Variants in RPGRIP1 observed in about 807,000 individuals in gnomAD.
RPGRIP1 encodes X-linked retinitis pigmentosa GTPase regulator-interacting protein 1.
In RPGRIP1, 128 loss-of-function variants were observed where a neutral mutation model predicts 157.9. That is an observed-to-expected ratio of 0.81 (90% CI 0.70 to 0.94). The LOEUF (loss-of-function observed/expected upper bound fraction) is 0.94, where lower values mean the gene tolerates loss of function less well. RPGRIP1 is among the 40% of genes least tolerant of loss of function. The pLI, the probability that RPGRIP1 is intolerant of heterozygous loss-of-function variation, is 0.00. For synonymous variants in RPGRIP1, 554 were observed against 571.6 expected (o/e 0.97, Z 0.44); for missense variants, 1,486 against 1,545.8 (o/e 0.96, Z 0.65).
intron 22 of RPGRIP1, 30 bp downstream of exon 22, chr14:21,343,258 A>T (rs1885203788): frequency 1.3e-6 from 2 of 1,559,046 alleles, no homozygotes; most frequent in Non-Finnish European, 1.8e-6. Context: ...TACTGGGGTG[A>T]GGAAGTCTGA....
At chr14:21,348,433 A>G (rs905700049) in intron 24 of RPGRIP1, 131 bp downstream of exon 24, 16 of 697,146 alleles carry the variant, frequency 2.3e-5, no homozygotes, top group Non-Finnish European at 3.6e-5. Context: ...TCTTATCCCT[A>G]CAACTGTATT....
At chr14:21,331,856 G>T (rs1883828047) in intron 20 of RPGRIP1, among the ~76,000 whole-genome samples, 1 of 151,152 alleles carries the variant, frequency 6.6e-6, no homozygotes, top group Non-Finnish European at 1.5e-5. Context: ...AGGTAGATAT[G>T]GAAATATTAT....
intron 3 of RPGRIP1, among the ~76,000 whole-genome samples, chr14:21,300,732 T>TTTTTTTA (rs1179058120): frequency 6.9e-6 from 1 of 144,566 alleles, no homozygotes; most frequent in African/African-American, 2.6e-5. Context: ...TTTTTTTTTT[T>TTTTTTTA]ACTAAGATAA....
intron 21 of RPGRIP1, among the ~76,000 whole-genome samples, chr14:21,337,977 T>C (rs59933465): frequency 0.16 from 24,257 of 151,258 alleles, 2,446 homozygotes; most frequent in African/African-American, 0.28. Context: ...AGTGCAGTGG[T>C]GCGATATCGG....
chr14:21,334,588 A>G lies in RPGRIP1; in HGVS notation c.3239-17A>G. On this transcript the variant is annotated splice_polypyrimidine_tract_variant and intron_variant, in intron 20 of 24. Transcript: ENST00000400017. Reference sequence around the variant, plus strand: ...TGCTTTGAAACAGTTCTATAACTGCAACCTCTTCTCTAGCAGACAAAGAAT... The same window carrying G: ...TGCTTTGAAACAGTTCTATAACTGCGACCTCTTCTCTAGCAGACAAAGAAT... 2 of 1,572,892 alleles carry G rather than the reference A, an allele frequency of 1.3e-6. No homozygotes were observed. The highest frequency in any genetic ancestry group is 1.4e-5 in the African/African-American group (1 of 73,996).
chr14:21,293,084 T>A (rs1300347310), intron 2 of RPGRIP1, among the ~76,000 whole-genome samples: 2 of 151,962 alleles, frequency 1.3e-5, no homozygotes, highest in Non-Finnish European at 2.9e-5. Flanking sequence ...AGGCAGAGGT[T>A]GCAGTGAGCC....
At chr14:21,303,860 A>G (rs759433260) in intron 6 of RPGRIP1, among the ~76,000 whole-genome samples, 5 of 151,864 alleles carry the variant, frequency 3.3e-5, no homozygotes, top group Non-Finnish European at 5.9e-5. Context: ...GGTGGCAGGC[A>G]CCTGTAAATC....
intron 8 of RPGRIP1, 69 bp from the exon 9 acceptor site, chr14:21,311,755 G>A (rs773907851): frequency 7.8e-7 from 1 of 1,283,372 alleles, no homozygotes; most frequent in South Asian, 1.5e-5. Flanking sequence ...TGCTAGGGTT[G>A]CTGGTGTCTG....
rs145015003 is a variant in RPGRIP1, at chr14:21,289,766, G to A, written c.85+1705G>A. 5.2e-4 allele frequency among the ~76,000 whole-genome samples: 79 copies of A among 152,208 alleles called. No individual in the cohort carries two copies. The East Asian group carries it at 0.011, about 22-fold the overall frequency. ...GCCTGTAATCCCAGCACCTTGGGAGGCCGAGGCAGGTGGATCACCTGGTCG... is the reference window on the plus strand; with the variant it reads ...GCCTGTAATCCCAGCACCTTGGGAGACCGAGGCAGGTGGATCACCTGGTCG... On this transcript the variant is annotated intron_variant, in intron 2 of 24. Coordinates refer to ENST00000400017, the MANE Select transcript of RPGRIP1 (RefSeq NM_020366.4).
rs764678956 is a variant in RPGRIP1 at position 21,307,733 on chromosome 14, C to G, written c.803C>G (p.Ala268Gly). 1 of 1,549,414 alleles carries G rather than the reference C, an allele frequency of 6.5e-7. No individual in the cohort carries two copies. The highest frequency in any genetic ancestry group is 8.8e-7 in the Non-Finnish European group (1 of 1,141,506). The change falls in exon 7 of 25, where the codon GCT (alanine) becomes GGT (glycine). Residue 268 changes from alanine to glycine, a missense_variant and splice_region_variant. Transcript: ENST00000400017. ...ECAQKAAELR[A>G]SIKEKVELIR... The stretch of plus-strand genomic sequence containing the variant: ...TAATTTAGCGCCTTTCTCTGCAGAG[C>G]TTCCATTAAAGAGAAGGTAGAGCTG...
intron 3 of RPGRIP1, among the ~76,000 whole-genome samples, chr14:21,295,972 G>A (rs942077023): frequency 2.6e-5 from 4 of 151,424 alleles, no homozygotes; most frequent in Non-Finnish European, 5.9e-5. Flanking sequence ...ACCTCGCTCC[G>A]TTGCCCAAGC....
intron 24 of RPGRIP1, among the ~76,000 whole-genome samples, chr14:21,350,712 C>T (rs952328258): frequency 6.6e-6 from 1 of 152,144 alleles, no homozygotes; most frequent in African/African-American, 2.4e-5. Flanking sequence ...AGGGTAGTGC[C>T]TGGCATAAGG....
At chr14:21,328,660 G>C in intron 19 of RPGRIP1, 33 bp downstream of exon 19, 5 of 1,404,460 alleles carry the variant, frequency 3.6e-6, no homozygotes, top group Non-Finnish European at 5.0e-6. Flanking sequence ...GCACTAAATT[G>C]TGGGTTGTAG....
chr14:21,310,993 CTG>C, intron 8 of RPGRIP1: 1 of 500,282 alleles, frequency 2.0e-6, no homozygotes, highest in African/African-American at 1.9e-5. Context: ...CTATTCACCA[CTG>C]TGAGTGGGCT....
At chr14:21,294,462 T>G (rs1880676449) in intron 2 of RPGRIP1, among the ~76,000 whole-genome samples, 1 of 152,082 alleles carries the variant, frequency 6.6e-6, no homozygotes, top group African/African-American at 2.4e-5. Flanking sequence ...ACTCCTGACC[T>G]CACAATCTGC....
chr14:21,351,176 A>G lies in RPGRIP1; in HGVS notation c.3821A>G (p.His1274Arg), dbSNP rs758718790. 3.0e-5 allele frequency: 49 copies of G among 1,611,820 alleles called. No individual in the cohort carries two copies. The Middle Eastern group carries it at 9.9e-4, about 32-fold the overall frequency. ...TCCCTTCAAGCAGCTGCTGTCCTCC[A>G]TGCTATTTACAAGGAGATGACTGAA... ...KVSLQAAAVL[H>R]AIYKEMTEDL... is the part of the protein sequence containing the mutation. The change falls in exon 25 of 25, where the codon CAT becomes CGT. Residue 1274 changes from histidine to arginine, a missense_variant. By Grantham distance (29) the His-to-Arg change is conservative (BLOSUM62 0). Transcript: ENST00000400017.
intron 10 of RPGRIP1, among the ~76,000 whole-genome samples, chr14:21,312,780 C>T (rs970226841): frequency 1.3e-5 from 2 of 151,780 alleles, no homozygotes; most frequent in Admixed American, 6.6e-5. Flanking sequence ...CCTCTACCTC[C>T]CGGGTTCAAA....
intron 3 of RPGRIP1, among the ~76,000 whole-genome samples, chr14:21,298,496 T>G (rs1365172557): frequency 6.6e-6 from 1 of 151,984 alleles, no homozygotes; most frequent in East Asian, 1.9e-4. Context: ...TGAGATTCGG[T>G]CTCAAAACGA....
At chr14:21,322,031 ACTTCGGGACC>A (rs567233777) in intron 14 of RPGRIP1, 27 bp downstream of exon 14, 17,485 of 1,595,324 alleles carry the variant, frequency 0.011, 138 homozygotes, top group Non-Finnish European at 0.012. Flanking sequence ...TGTTCTCCTC[ACTTCGGGACC>A]CTTCCACAGC....
Sources: allele counts gnomAD v4.1 joint callset (sites outside exome capture counted in the v4.1 genomes callset), GRCh38; gene constraint gnomAD v4.1.1; transcripts MANE v1.5; gene names NCBI Gene and HGNC (gene_info 2026-07-23, HGNC 2026-07-21).